Variants in NUDC observed in about 807,000 individuals in gnomAD.
NUDC encodes nuclear distribution C, dynein complex regulator.
Under a neutral mutation model 45.0 loss-of-function variants are expected in NUDC, and 14 were observed. The ratio of observed to expected loss-of-function variants is 0.31; its 90% CI spans 0.21 to 0.49. The LOEUF (loss-of-function observed/expected upper bound fraction) is 0.49, where lower values mean the gene tolerates loss of function less well. Ranked by LOEUF, NUDC falls within the 20% of genes least tolerant of loss-of-function variation. The pLI, the probability that NUDC is intolerant of heterozygous loss-of-function variation, is 0.99. For missense variants in NUDC, 323 were observed against 426.2 expected, an observed-to-expected ratio of 0.76 and a Z score of 2.13; for synonymous variants, 153 against 156.7, an observed-to-expected ratio of 0.98 and a Z score of 0.17.
chr1:26,901,397 C>CTTT (rs34988488), intron 1 of NUDC, among the ~76,000 whole-genome samples: 119 of 73,610 alleles, frequency 1.6e-3, no homozygotes, highest in African/African-American at 2.0e-3. Flanking sequence ...GCCTTTTTGT[C>CTTT]TTTTTTTTTT....
chr1:26,903,993 A>T (rs2081991730), intron 2 of NUDC, among the ~76,000 whole-genome samples: 1 of 143,322 alleles, frequency 7.0e-6, no homozygotes, highest in Non-Finnish European at 1.6e-5. Context: ...CCTGGGTGAC[A>T]GAGCAAGACT....
intron 2 of NUDC, among the ~76,000 whole-genome samples, chr1:26,932,742 C>T (rs563415993): frequency 5.9e-5 from 9 of 152,146 alleles, no homozygotes; most frequent in Admixed American, 1.3e-4. Flanking sequence ...TAAGCAACTT[C>T]GCTTTGTTCC....
chr1:26,940,457 CAA>C (rs1430534128), intron 2 of NUDC, among the ~76,000 whole-genome samples: 1 of 147,674 alleles, frequency 6.8e-6, no homozygotes, highest in Non-Finnish European at 1.5e-5. Flanking sequence ...GCCTGGGCAA[CAA>C]GAGTGAAACT....
intron 2 of NUDC, among the ~76,000 whole-genome samples, chr1:26,909,704 G>A (rs2082017360): frequency 6.6e-6 from 1 of 152,116 alleles, no homozygotes; most frequent in Admixed American, 6.6e-5. Flanking sequence ...TTCTGCTCTT[G>A]AAAGAGTGGT....
intron 2 of NUDC, among the ~76,000 whole-genome samples, chr1:26,909,272 GC>G (rs1280434983): frequency 3.3e-5 from 5 of 152,056 alleles, no homozygotes; most frequent in Admixed American, 2.6e-4. Flanking sequence ...ACTGAGCCCG[GC>G]CCCTAGCTAA....
intron 2 of NUDC, among the ~76,000 whole-genome samples, chr1:26,910,087 G>C (rs17340482): frequency 0.07 from 10,705 of 152,232 alleles, 514 homozygotes; most frequent in Middle Eastern, 0.13. Context: ...CTATGACGCA[G>C]GGAAGATGAA....
chr1:26,946,360 T>G lies in NUDC; in HGVS notation c.*179T>G. ...GTCTTGGGACCTTGTCCTCCCCAGTTGGCCTACTGTTACACATTAAAACGA... is the reference window on the plus strand; with the variant it reads ...GTCTTGGGACCTTGTCCTCCCCAGTGGGCCTACTGTTACACATTAAAACGA... On this transcript the variant is annotated 3_prime_UTR_variant, in exon 9 of 9. Transcript: ENST00000321265. 3 of 668,376 alleles carry G rather than the reference T, an allele frequency of 4.5e-6. No individual in the cohort carries two copies. Among genetic ancestry groups the G allele is most frequent in the Non-Finnish European group, 5.4e-6 (2 of 368,098 alleles). The allele number at this position is 668,376 out of a possible 1,614,324, so 41.4% of individuals were successfully genotyped here. A position where few individuals can be genotyped will look rare whatever the true frequency, so the allele number is the denominator to read the frequency against.
At chr1:26,938,058 G>A (rs143076198) in intron 2 of NUDC, among the ~76,000 whole-genome samples, 88 of 152,308 alleles carry the variant, frequency 5.8e-4, no homozygotes, top group African/African-American at 2.0e-3. Context: ...GGCCTCTTCT[G>A]GGGGAGAGTG....
chr1:26,924,512 G>A (rs12757772), intron 2 of NUDC, among the ~76,000 whole-genome samples: 44,520 of 152,070 alleles, frequency 0.29, 7,367 homozygotes, highest in Non-Finnish European at 0.37. Flanking sequence ...CCTCTGCCCC[G>A]ACACAGTGCC....
chr1:26,940,408 G>A (rs1243356506), intron 2 of NUDC, among the ~76,000 whole-genome samples: 4 of 151,566 alleles, frequency 2.6e-5, no homozygotes, highest in South Asian at 2.1e-4. Flanking sequence ...CCCGGGAGGC[G>A]GAGCTTGCAG....
Position 26,936,652 on chromosome 1 carries a change from T to A in NUDC, c.160-4805T>A, listed in dbSNP as rs946955575. On this transcript the variant is annotated intron_variant, in intron 2 of 8. Transcript: ENST00000321265. ...ACCCTACCTGGCCTACAAAAAAAAATTTTAAGATTTAAAAAATAAAACACA... is the reference window on the plus strand; with the variant it reads ...ACCCTACCTGGCCTACAAAAAAAAAATTTAAGATTTAAAAAATAAAACACA... 3.3e-5 allele frequency among the ~76,000 whole-genome samples: 5 copies of A among 152,086 alleles called. No homozygotes were observed. The Middle Eastern group carries it at 0.01, about 310-fold the overall frequency.
intron 2 of NUDC, among the ~76,000 whole-genome samples, chr1:26,905,793 G>A (rs2082000519): frequency 6.6e-6 from 1 of 152,136 alleles, no homozygotes; most frequent in Non-Finnish European, 1.5e-5. Context: ...AACCCAAAAT[G>A]ATCAAGATAC....
In NUDC at chr1:26,909,683, G is replaced by A. The variant is rs1472582323; in HGVS notation, c.-15-1445G>A. Among the ~76,000 whole-genome samples, 9 of 152,220 alleles carry A rather than the reference G, an allele frequency of 5.9e-5. No homozygotes were observed. In the South Asian group the frequency reaches 1.9e-3, roughly 32 times the overall value. ...ATCTTCTGGATTTGGGTCCTATGTGGGAAACAGGGCTTCTGCTCTTGAAAG... is the reference window on the plus strand; with the variant it reads ...ATCTTCTGGATTTGGGTCCTATGTGAGAAACAGGGCTTCTGCTCTTGAAAG... On this transcript the variant is annotated intron_variant, in intron 2 of 6. Transcript: ENST00000435827.
intron 1 of NUDC, 32 bp downstream of exon 1, chr1:26,921,961 C>A (rs987179460): frequency 5.8e-6 from 9 of 1,544,106 alleles, no homozygotes; most frequent in Non-Finnish European, 7.0e-6. Flanking sequence ...GCCCACCCGG[C>A]GGCCTTGGCC....
rs568578158 is a variant in NUDC, at chr1:26,931,987, CT to C, written c.159+7834del. 4.1e-3 allele frequency among the ~76,000 whole-genome samples: 566 copies of C among 139,678 alleles called. 2 individuals carry two copies. The highest frequency in any genetic ancestry group is 7.6e-3 in the East Asian group (36 of 4,732). The allele number at this position is 139,678 out of a possible 152,430, so 91.6% of individuals were successfully genotyped here. ...AGGTGTGAGCCACCACGCTTGGCCC[CT>C]TTTTTTTTTTTTAATTTTTATTTAA... On this transcript the variant is annotated intron_variant, in intron 2 of 8. Coordinates refer to ENST00000321265, the MANE Select transcript of NUDC (RefSeq NM_006600.4).
chr1:26,935,530 A>C (rs956797409), intron 2 of NUDC, among the ~76,000 whole-genome samples: 5 of 151,632 alleles, frequency 3.3e-5, no homozygotes, highest in Non-Finnish European at 7.4e-5. Flanking sequence ...CCCCTTGTAA[A>C]ATCATCAGAT....
rs984053401 is a variant in NUDC, at chr1:26,946,261, T to G, written c.*80T>G. On this transcript the variant is annotated 3_prime_UTR_variant, in exon 9 of 9. Coordinates refer to ENST00000321265, the MANE Select transcript of NUDC (RefSeq NM_006600.4). ...CTTTCCCACTCTTCTCTGGGACTTGTGGGCCTCAGGGCTTGGGGCAGGCAT... is the reference window on the plus strand; with the variant it reads ...CTTTCCCACTCTTCTCTGGGACTTGGGGGCCTCAGGGCTTGGGGCAGGCAT... 29 of 1,288,894 alleles carry G rather than the reference T, an allele frequency of 2.2e-5. No individual in the cohort carries two copies. The highest frequency in any genetic ancestry group is 3.2e-5 in the Non-Finnish European group (28 of 885,830). 79.8% of individuals were successfully genotyped at this position (1,288,894 alleles called of 1,614,324 possible).
chr1:26,945,491 G>A lies in NUDC; in HGVS notation c.825+18G>A. 1 of 1,613,320 alleles carries A rather than the reference G, an allele frequency of 6.2e-7. No individual in the cohort carries two copies. Among genetic ancestry groups the A allele is most frequent in the Non-Finnish European group, 8.5e-7 (1 of 1,179,246 alleles). On this transcript the variant is annotated intron_variant, in intron 7 of 8. Transcript: ENST00000321265. ...ATTCCAAGGTGAGCCCTGGCTGGTT[G>A]GGGGAGCTTCAGCAGGAAGGTGAGG... is the stretch of plus-strand genomic sequence containing the variant.
intron 2 of NUDC, among the ~76,000 whole-genome samples, chr1:26,930,256 G>A (rs778175781): frequency 3.3e-5 from 5 of 152,130 alleles, no homozygotes; most frequent in Non-Finnish European, 7.3e-5. Flanking sequence ...CTGCAGCCAT[G>A]ACCACTAGGC....
Sources: gnomAD v4.1 joint callset for allele counts (sites outside exome capture counted in the v4.1 genomes callset) on GRCh38, gnomAD v4.1.1 for gene constraint, MANE v1.5 for transcripts, NCBI Gene and HGNC (gene_info 2026-07-23, HGNC 2026-07-21) for gene names.